Variants in PKP3 observed in about 807,000 individuals in gnomAD.
PKP3 encodes the protein plakophilin 3, also known as plakophilin-3.
Under a neutral mutation model 76.5 loss-of-function variants are expected in PKP3, and 66 were observed. That is an observed-to-expected ratio of 0.86 (90% CI 0.71 to 1.06). The LOEUF (loss-of-function observed/expected upper bound fraction) is 1.06, where lower values mean the gene tolerates loss of function less well. Ranked by LOEUF, PKP3 falls within the 50% of genes least tolerant of loss-of-function variation. PKP3 has a pLI of 0.00. For synonymous variants in PKP3, 638 were observed against 516.5 expected, an observed-to-expected ratio of 1.24 and a Z score of -3.19; for missense variants, 1,338 against 1,141.0, an observed-to-expected ratio of 1.17 and a Z score of -2.49.
At chr11:399,847 G>C in intron 5 of PKP3, 120 bp from the exon 6 acceptor site, 3 of 797,314 alleles carry the variant, frequency 3.8e-6, no homozygotes, top group Non-Finnish European at 6.0e-6. Context: ...TGGGGCTCGT[G>C]GGTGAGGCAC....
chr11:400,386 G>T lies in PKP3; in HGVS notation c.1501G>T (p.Gly501Trp). The T allele has an allele frequency of 6.5e-7, 1 of 1,549,216 alleles. No homozygotes were observed. The highest frequency in any genetic ancestry group is 2.4e-5 in the East Asian group (1 of 40,902). ...ATRQKMRECHGLVDALVTSIN... is the reference protein window; with the variant it reads ...ATRQKMRECHWLVDALVTSIN... ...TCGCCAGAAGATGCGGGAGTGCCAC[G>T]GGCTGGTGGACGCCCTGGTCACCTC... The change falls in exon 7 of 13, where the codon GGG becomes TGG. Residue 501 changes from glycine (G) to tryptophan (W), a missense_variant. Transcript: ENST00000331563.
At position 400,545 on chromosome 11, in the gene PKP3, A is replaced by G. The variant is rs776308197; in HGVS notation, c.1577A>G (p.Asn526Ser). The G allele has an allele frequency of 1.3e-5, 20 of 1,493,542 alleles. No homozygotes were observed. In the Admixed American group the frequency reaches 4.8e-4, roughly 36 times the overall value. The allele number at this position is 1,493,542 out of a possible 1,614,324, so 92.5% of individuals were successfully genotyped here. ...CGCCCCCGCCCGCAGAGCGTGGAGA[A>G]CGCGGTGTGCGTCCTGCGGAACCTG... is the stretch of plus-strand genomic sequence containing the variant. Reference protein sequence around the residue: ...AGKCEDKSVENAVCVLRNLSY... With the variant: ...AGKCEDKSVESAVCVLRNLSY... The change falls in exon 8 of 13, where the codon AAC becomes AGC. Residue 526 changes from asparagine (N) to serine (S), a missense_variant. Coordinates refer to ENST00000331563, the MANE Select transcript of PKP3 (RefSeq NM_007183.4).
In PKP3 at chr11:394,249, G is replaced by C; in HGVS notation, c.-44G>C. 6.9e-7 allele frequency: 1 copy of C among 1,456,464 alleles called. No individual in the cohort carries two copies. The highest frequency in any genetic ancestry group is 9.0e-7 in the Non-Finnish European group (1 of 1,110,234). 90.2% of individuals were successfully genotyped at this position (1,456,464 alleles called of 1,614,324 possible). ...AGGGACAGGACGTGAAGATAGTTGG[G>C]TTTGGAGGCGGCCGCCAGGCCCAGG... is the stretch of plus-strand genomic sequence containing the variant. On this transcript the variant is annotated 5_prime_UTR_variant, in exon 1 of 13. Coordinates refer to ENST00000331563, the MANE Select transcript of PKP3 (RefSeq NM_007183.4).
chr11:393,018 C>T (rs923592896), upstream of PKP3, among the ~76,000 whole-genome samples: 2 of 151,952 alleles, frequency 1.3e-5, no homozygotes, highest in Non-Finnish European at 2.9e-5. Context: ...CAGGGAGAAG[C>T]AGAGGCTGTC....
At chr11:400,782 G>A (rs937709021) in intron 8 of PKP3, 77 bp downstream of exon 8, 3 of 666,396 alleles carry the variant, frequency 4.5e-6, no homozygotes, top group Non-Finnish European at 5.3e-6. Flanking sequence ...GCTCACCCCC[G>A]CCCCGCTCAC....
chr11:397,413 T>A lies in PKP3; in HGVS notation c.912T>A (p.Gly304=). 6.2e-7 allele frequency: 1 copy of A among 1,612,130 alleles called. No homozygotes were observed. The highest frequency in any genetic ancestry group is 8.5e-7 in the Non-Finnish European group (1 of 1,179,690). ...ACGTGCATGGGTTCAACAGCTACGG[T>A]AGCCACCGAACCCTGCAGAGACTCA... The part of the protein sequence containing the change: ...LPDVHGFNSY[G]SHRTLQRLSS... Residue 304 remains glycine (G), a synonymous_variant, in exon 3 of 13, where the codon GGT becomes GGA. Transcript: ENST00000331563.
In PKP3 at chr11:396,828, C is replaced by T. The variant is rs766458013; in HGVS notation, c.327C>T (p.Ile109=). ...TCGACCCACAGGGCTTCCGGCCCAT[C>T]GCCAAGCCGGCCTACAGCCCAGCCT... ...SGDKTSGFRP[I]AKPAYSPASW... Residue 109 remains isoleucine (I), a synonymous_variant, in exon 3 of 13, where the codon ATC becomes ATT. Coordinates refer to ENST00000331563, the MANE Select transcript of PKP3 (RefSeq NM_007183.4). 1.1e-5 allele frequency: 17 copies of T among 1,590,320 alleles called. No individual in the cohort carries two copies. Among genetic ancestry groups the T allele is most frequent in the African/African-American group, 2.7e-5 (2 of 74,550 alleles).
In PKP3 at chr11:400,462, C is replaced by A; in HGVS notation, c.1566+11C>A. On this transcript the variant is annotated intron_variant, in intron 7 of 12. Coordinates refer to ENST00000331563, the MANE Select transcript of PKP3 (RefSeq NM_007183.4). ...AAATGCGAGGACAAGGTGAGGGGCG[C>A]GGTGTGGAGGAGGGGCCGTGCCCCC... The A allele has an allele frequency of 6.5e-7, 1 of 1,536,356 alleles. No individual in the cohort carries two copies. The highest frequency in any genetic ancestry group is 8.8e-7 in the Non-Finnish European group (1 of 1,140,230).
At position 400,419 on chromosome 11, in the gene PKP3, C is replaced by T. The variant is rs957395845; in HGVS notation, c.1534C>T (p.His512Tyr). ...GGACGCCCTGGTCACCTCTATCAAC[C>T]ACGCCCTGGACGCGGGCAAATGCGA... ...LVDALVTSINHALDAGKCEDK... is the reference protein window; with the variant it reads ...LVDALVTSINYALDAGKCEDK... The change falls in exon 7 of 13, where the codon CAC (histidine) becomes TAC (tyrosine). Residue 512 changes from histidine (H) to tyrosine (Y), a missense_variant. His to Tyr is a moderately conservative substitution (Grantham distance 83). Transcript: ENST00000331563. 2.6e-6 allele frequency: 4 copies of T among 1,548,318 alleles called. No individual in the cohort carries two copies. Among genetic ancestry groups the T allele is most frequent in the Non-Finnish European group, 3.5e-6 (4 of 1,145,976 alleles).
chr11:399,224 C>T (rs1000396690), intron 5 of PKP3, 28 bp downstream of exon 5: 16 of 1,453,774 alleles, frequency 1.1e-5, no homozygotes, highest in South Asian at 1.0e-4. Flanking sequence ...CTCCACCTGT[C>T]CTTCCTCCAC....
intron 8 of PKP3, 84 bp downstream of exon 8, chr11:400,789 T>A (rs1590357868): frequency 3.4e-6 from 2 of 588,054 alleles, no homozygotes; most frequent in Non-Finnish European, 4.0e-6. Context: ...CCCGCCCCGC[T>A]CACCCCCGCC....
chr11:395,895 G>A (rs977260995), intron 1 of PKP3, among the ~76,000 whole-genome samples: 7 of 152,120 alleles, frequency 4.6e-5, no homozygotes, highest in Non-Finnish European at 7.4e-5. Context: ...CCCTGTCGTC[G>A]ACGGCTGTCC....
chr11:404,368 C>A lies in PKP3; in HGVS notation c.2358+45C>A, dbSNP rs771381977. Reference sequence around the variant, plus strand: ...GGCAAGCAGGGACCCGGGTGCAGGGCATGGGACGCCGGGGGAGGGTCAGTG... The same window carrying A: ...GGCAAGCAGGGACCCGGGTGCAGGGAATGGGACGCCGGGGGAGGGTCAGTG... On this transcript the variant is annotated intron_variant, in intron 12 of 12. Coordinates refer to ENST00000331563, the MANE Select transcript of PKP3 (RefSeq NM_007183.4). This position sits in a 1 kb window ranked among gnomAD's most constrained non-coding sequence, Gnocchi z 4.2. The A allele has an allele frequency of 6.5e-7, 1 of 1,549,518 alleles. No homozygotes were observed. The highest frequency in any genetic ancestry group is 8.9e-7 in the Non-Finnish European group (1 of 1,122,592).
chr11:397,057 C>G lies in PKP3; in HGVS notation c.556C>G (p.Leu186Val), dbSNP rs1847058496. The stretch of plus-strand genomic sequence containing the variant: ...CACACTCTCCCTGCGCTCGCTGCGG[C>G]TGGGGCCCGGGGGCCTGGACGACCG... ...YDTLSLRSLR[L>V]GPGGLDDRYS... The change falls in exon 3 of 13, where the codon CTG (leucine) becomes GTG (valine). Residue 186 changes from leucine (L) to valine (V), a missense_variant. Leu to Val is a conservative substitution (Grantham distance 32, BLOSUM62 1). Coordinates refer to ENST00000331563, the MANE Select transcript of PKP3 (RefSeq NM_007183.4). 1.3e-6 allele frequency: 2 copies of G among 1,599,058 alleles called. No homozygotes were observed. The highest frequency in any genetic ancestry group is 1.3e-5 in the African/African-American group (1 of 74,904).
In PKP3 at chr11:396,829, G is replaced by T; in HGVS notation, c.328G>T (p.Ala110Ser). The change falls in exon 3 of 13, where the codon GCC becomes TCC. Residue 110 changes from alanine (A) to serine (S), a missense_variant. Physicochemically the swap from Ala to Ser is moderately conservative, Grantham distance 99 (BLOSUM62 1). Transcript: ENST00000331563. ...GDKTSGFRPI[A>S]KPAYSPASWS... ...CGACCCACAGGGCTTCCGGCCCATC[G>T]CCAAGCCGGCCTACAGCCCAGCCTC... 1.3e-6 allele frequency: 2 copies of T among 1,589,188 alleles called. No individual in the cohort carries two copies. Among genetic ancestry groups the T allele is most frequent in the East Asian group, 2.3e-5 (1 of 44,362 alleles).
chr11:404,209 C>A lies in PKP3; in HGVS notation c.2271-27C>A, dbSNP rs748204157. ...TCCACCCTGCTTTCTGGCTGTGTGT[C>A]CCCTCCTGACTGCCCTCCACCCTCA... On this transcript the variant is annotated intron_variant, in intron 11 of 12. Coordinates refer to ENST00000331563, the MANE Select transcript of PKP3 (RefSeq NM_007183.4). The surrounding 1 kb of genome is among the most constrained non-coding windows in gnomAD (Gnocchi z 4.2). 5 of 1,609,390 alleles carry A rather than the reference C, an allele frequency of 3.1e-6. No individual in the cohort carries two copies. Among genetic ancestry groups the A allele is most frequent in the Non-Finnish European group, 4.2e-6 (5 of 1,177,228 alleles).
chr11:398,888 C>G, intron 4 of PKP3, 104 bp from the exon 5 acceptor site: 1 of 905,696 alleles, frequency 1.1e-6, no homozygotes, highest in Non-Finnish European at 1.7e-6. Context: ...ACGGCTGCAT[C>G]CCCTGCATAT....
At chr11:393,229 G>A (rs1190772580), upstream of PKP3, among the ~76,000 whole-genome samples, 1 of 151,392 alleles carries the variant, frequency 6.6e-6, no homozygotes, top group Non-Finnish European at 1.5e-5. Context: ...CCCCACCAGG[G>A]GCCCCCCACT....
chr11:394,568 G>A, intron 1 of PKP3, 44 bp downstream of exon 1: 1 of 1,328,190 alleles, frequency 7.5e-7, no homozygotes, highest in Admixed American at 4.0e-5. Flanking sequence ...GGCGGGGAGA[G>A]GTGGCTGCGG....
Sources: allele counts gnomAD v4.1 joint callset (sites outside exome capture counted in the v4.1 genomes callset), GRCh38; gene constraint gnomAD v4.1.1; non-coding constraint Gnocchi (gnomAD v3.1); transcripts MANE v1.5; gene names NCBI Gene and HGNC (gene_info 2026-07-23, HGNC 2026-07-21).